PRDX2: variants seen among roughly 807,000 people sequenced by gnomAD.
PRDX2 encodes the protein peroxiredoxin 2, also known as peroxiredoxin-2.
Under a neutral mutation model 19.8 loss-of-function variants are expected in PRDX2, and 10 were observed. The ratio of observed to expected loss-of-function variants is 0.50; its 90% CI spans 0.31 to 0.86. The LOEUF (loss-of-function observed/expected upper bound fraction) is 0.86, where lower values mean the gene tolerates loss of function less well. Ranked by LOEUF, PRDX2 falls within the 40% of genes least tolerant of loss-of-function variation. The pLI is 0.04. For synonymous variants in PRDX2, 118 were observed against 108.2 expected, an observed-to-expected ratio of 1.09 and a Z score of -0.56; for missense variants, 226 against 260.1, an observed-to-expected ratio of 0.87 and a Z score of 0.90.
Position 12,801,374 on chromosome 19 carries a change from C to A in PRDX2, c.-9-104G>T. ...TATGACTGAGTCAGCACGGCGGAGG[C>A]GACAGCACTAACCCTCACCCTCCCG... On this transcript the variant is annotated intron_variant, in intron 1 of 5. Transcript: ENST00000301522. 4.1e-6 allele frequency: 5 copies of A among 1,210,748 alleles called. 1 individual carries two copies. The highest frequency in any genetic ancestry group is 5.9e-6 in the Non-Finnish European group (5 of 845,334). The allele number at this position is 1,210,748 out of a possible 1,614,324, so 75.0% of individuals were successfully genotyped here. A position where few individuals can be genotyped will look rare whatever the true frequency, so the allele number is the denominator to read the frequency against.
intron 5 of PRDX2, among the ~76,000 whole-genome samples, chr19:12,799,249 G>A (rs1968847336): frequency 6.6e-6 from 1 of 152,134 alleles, no homozygotes; most frequent in Non-Finnish European, 1.5e-5. Flanking sequence ...CCAGGCTGGA[G>A]TGCAGTGGTG....
chr19:12,798,258 G>T (rs1968829175), intron 5 of PRDX2, among the ~76,000 whole-genome samples: 1 of 151,932 alleles, frequency 6.6e-6, no homozygotes, highest in Admixed American at 6.6e-5. Context: ...CGTTAGCTAG[G>T]ATGGTCTCGA....
chr19:12,799,590 C>G lies in PRDX2; in HGVS notation c.511+269G>C, dbSNP rs534350333. 8.1e-4 allele frequency: 246 copies of G among 303,762 alleles called. 4 individuals carry two copies. In the South Asian group the frequency reaches 8.1e-3, roughly 10 times the overall value. 18.8% of individuals were successfully genotyped at this position (303,762 alleles called of 1,614,324 possible). On this transcript the variant is annotated intron_variant, in intron 5 of 5. Coordinates refer to ENST00000301522, the MANE Select transcript of PRDX2 (RefSeq NM_005809.6). Reference sequence around the variant, plus strand: ...GGTCAGGCTGGTCTCGAACTCCTGACCTCAGGTGATCCACCTGCCACAGCT... The same window carrying G: ...GGTCAGGCTGGTCTCGAACTCCTGAGCTCAGGTGATCCACCTGCCACAGCT...
Position 12,799,955 on chromosome 19 carries a change from G to A in PRDX2, c.415C>T (p.Arg139Cys), listed in dbSNP as rs377231018. 57 of 1,613,862 alleles carry A rather than the reference G, an allele frequency of 3.5e-5. No individual in the cohort carries two copies. The highest frequency in any genetic ancestry group is 5.3e-5 in the African/African-American group (4 of 74,904). The change falls in exon 5 of 6, where the codon CGC (arginine) becomes TGC (cysteine). Residue 139 changes from arginine to cysteine, a missense_variant. By Grantham distance (180) the Arg-to-Cys change is radical. Coordinates refer to ENST00000301522, the MANE Select transcript of PRDX2 (RefSeq NM_005809.6). ...LFIIDGKGVLRQITVNDLPVG... is the reference protein window; with the variant it reads ...LFIIDGKGVLCQITVNDLPVG... ...GGCAAATCATTAACAGTGATCTGGC[G>A]AAGGACACCCTTGCCATCGATGATA... is the stretch of plus-strand genomic sequence containing the variant.
chr19:12,796,945 G>A lies in PRDX2; in HGVS notation c.*136C>T. The A allele has an allele frequency of 5.0e-6, 4 of 803,242 alleles. No homozygotes were observed. Among genetic ancestry groups the A allele is most frequent in the Non-Finnish European group, 7.9e-6 (4 of 508,940 alleles). The allele number at this position is 803,242 out of a possible 1,614,324, so 49.8% of individuals were successfully genotyped here. ...GAGAAGGCCTTGGCCTAGCCCTCCA[G>A]GGTCCCATACTGTGGAGTTTGGAGG... is the stretch of plus-strand genomic sequence containing the variant. On this transcript the variant is annotated 3_prime_UTR_variant, in exon 6 of 6. Transcript: ENST00000301522.
chr19:12,801,744 G>A lies in PRDX2; in HGVS notation c.-14C>T. ...GTGCACTCCGGGTGTTCATACCTGC[G>A]TGGGCAAAGGCTAGACGCACGGACG... On this transcript the variant is annotated 5_prime_UTR_variant, in exon 1 of 6. The change creates a new upstream start codon in the 5' untranslated region. Coordinates refer to ENST00000301522, the MANE Select transcript of PRDX2 (RefSeq NM_005809.6). 3.2e-6 allele frequency: 1 copy of A among 312,754 alleles called. No homozygotes were observed. Among genetic ancestry groups the A allele is most frequent in the Admixed American group, 4.5e-5 (1 of 22,068 alleles). 19.4% of individuals were successfully genotyped at this position (312,754 alleles called of 1,614,324 possible). A position where few individuals can be genotyped will look rare whatever the true frequency, so the allele number is the denominator to read the frequency against.
chr19:12,800,118 A>C, intron 4 of PRDX2, 59 bp downstream of exon 4: 1 of 1,603,682 alleles, frequency 6.2e-7, no homozygotes, highest in Non-Finnish European at 8.5e-7. Context: ...GAGTGGTCCC[A>C]GCATCACAGG....
intron 5 of PRDX2, 179 bp downstream of exon 5, chr19:12,799,680 A>G (rs1968854484): frequency 1.3e-6 from 1 of 795,930 alleles, no homozygotes; most frequent in Non-Finnish European, 1.9e-6. Context: ...CCTTGGTTGA[A>G]TGTCAGGCGT....
Position 12,800,991 on chromosome 19 carries a change from C to A in PRDX2, c.182G>T (p.Arg61Leu). The change falls in exon 3 of 6, where the codon CGT becomes CTT. Residue 61 changes from arginine (R) to leucine (L), a missense_variant. Arg to Leu is a moderately radical substitution (Grantham distance 102). Transcript: ENST00000301522. ...CPTEIIAFSN[R>L]AEDFRKLGCE... is the part of the protein sequence containing the mutation. ...GCCCAGCTTGCGGAAGTCCTCTGCA[C>A]GGTTGCTGAACGCGATGATCTCGGT... 6.2e-7 allele frequency: 1 copy of A among 1,612,432 alleles called. No homozygotes were observed. Among genetic ancestry groups the A allele is most frequent in the Non-Finnish European group, 8.5e-7 (1 of 1,179,888 alleles).
intron 5 of PRDX2, among the ~76,000 whole-genome samples, chr19:12,799,301 G>A (rs1449630640): frequency 6.6e-6 from 1 of 152,098 alleles, no homozygotes; most frequent in Non-Finnish European, 1.5e-5. Context: ...AGGCTCAAGT[G>A]ATCCTCCAGC....
intron 2 of PRDX2, 21 bp downstream of exon 2, chr19:12,801,137 GC>G: frequency 6.2e-7 from 1 of 1,613,864 alleles, no homozygotes. Flanking sequence ...TTCTACCTGG[GC>G]CCCCTCCGGG....
Position 12,801,289 on chromosome 19 carries a change from C to G in PRDX2, c.-9-19G>C. ...CTGAAAGCTGAGACCCCCGCCCGGTCAGTGCGCCCGGGAAGACACTTTGTC... is the reference window on the plus strand; with the variant it reads ...CTGAAAGCTGAGACCCCCGCCCGGTGAGTGCGCCCGGGAAGACACTTTGTC... On this transcript the variant is annotated intron_variant, in intron 1 of 5. Coordinates refer to ENST00000301522, the MANE Select transcript of PRDX2 (RefSeq NM_005809.6). 1 of 1,594,140 alleles carries G rather than the reference C, an allele frequency of 6.3e-7. No individual in the cohort carries two copies. Among genetic ancestry groups the G allele is most frequent in the Non-Finnish European group, 8.5e-7 (1 of 1,170,826 alleles).
intron 5 of PRDX2, among the ~76,000 whole-genome samples, chr19:12,797,953 C>T (rs987855173): frequency 6.6e-6 from 1 of 152,076 alleles, no homozygotes; most frequent in African/African-American, 2.4e-5. Flanking sequence ...AGCCACTACA[C>T]CTGGCCAAGT....
intron 5 of PRDX2, among the ~76,000 whole-genome samples, chr19:12,798,712 T>C (rs1968837306): frequency 7.2e-6 from 1 of 139,730 alleles, no homozygotes; most frequent in African/African-American, 2.7e-5. Context: ...AAAAAAGAGA[T>C]GGGGTATTGC....
At chr19:12,801,564 G>A (rs924262757) in intron 1 of PRDX2, among the ~76,000 whole-genome samples, 176 bp downstream of exon 1, 1 of 152,262 alleles carries the variant, frequency 6.6e-6, no homozygotes, top group Non-Finnish European at 1.5e-5. Flanking sequence ...CGAGCAGGGG[G>A]CGGGAAGTCG....
rs767891672 is a variant in PRDX2, at chr19:12,800,281, T to C, written c.276A>G (p.Lys92=). 1.6e-5 allele frequency: 25 copies of C among 1,612,846 alleles called. No individual in the cohort carries two copies. In the Middle Eastern group the frequency reaches 6.6e-4, roughly 42 times the overall value. The change falls in exon 4 of 6, where the codon AAA becomes AAG. Residue 92 remains lysine, a synonymous_variant. Transcript: ENST00000301522. ...THLAWINTPR[K]EGGLGPLNIP... ...TGTTCAGGGGGCCCAAGCCTCCCTC[T>C]TTCCGGGGGGTGTTGATCCTGGGAG...
intron 5 of PRDX2, among the ~76,000 whole-genome samples, chr19:12,799,029 G>A (rs1019066745): frequency 1.3e-5 from 2 of 151,920 alleles, no homozygotes; most frequent in African/African-American, 4.8e-5. Context: ...CTCCCAAGTA[G>A]CTGGGATTAC....
At chr19:12,800,420 T>G in intron 3 of PRDX2, 121 bp from the exon 4 acceptor site, 1 of 1,334,850 alleles carries the variant, frequency 7.5e-7, no homozygotes. Context: ...AGTAGGCCGC[T>G]GGGAGCCTCA....
chr19:12,801,241 G>A lies in PRDX2; in HGVS notation c.21C>T (p.Arg7=), dbSNP rs1400462795. 22 of 1,613,570 alleles carry A rather than the reference G, an allele frequency of 1.4e-5. No individual in the cohort carries two copies. The highest frequency in any genetic ancestry group is 1.9e-5 in the Non-Finnish European group (22 of 1,179,890). MASGNA[R]IGKPAPDFKA... ...TGAAGTCAGGGGCTGGCTTTCCGAT[G>A]CGCGCGTTACCGGAGGCCATGACTG... Residue 7 remains arginine (R), a synonymous_variant, in exon 2 of 6, where the codon CGC becomes CGT. Coordinates refer to ENST00000301522, the MANE Select transcript of PRDX2 (RefSeq NM_005809.6).
Sources: allele counts gnomAD v4.1 joint callset (sites outside exome capture counted in the v4.1 genomes callset), GRCh38; gene constraint gnomAD v4.1.1; transcripts MANE v1.5; gene names NCBI Gene and HGNC (gene_info 2026-07-23, HGNC 2026-07-21).